Variants in EIF3H observed in about 807,000 individuals in gnomAD.
EIF3H encodes eukaryotic translation initiation factor 3 subunit H.
EIF3H carries 26 observed loss-of-function variants against 44.2 expected under a neutral mutation model. The observed-to-expected ratio is 0.59, with a 90% CI of 0.43 to 0.82. The LOEUF (loss-of-function observed/expected upper bound fraction) is 0.82. EIF3H is among the 40% of genes least tolerant of loss of function. EIF3H has a pLI of 0.00. For synonymous variants in EIF3H, 166 were observed against 151.9 expected, an observed-to-expected ratio of 1.09 and a Z score of -0.68; for missense variants, 359 against 432.8, an observed-to-expected ratio of 0.83 and a Z score of 1.51.
chr8:116,700,231 A>C (rs540480885), intron 2 of EIF3H, among the ~76,000 whole-genome samples: 132 of 152,298 alleles, frequency 8.7e-4, no homozygotes, highest in African/African-American at 2.9e-3. Flanking sequence ...TTGCCTAGGG[A>C]AAAATGGAGG....
intron 3 of EIF3H, 29 bp downstream of exon 3, chr8:116,658,784 G>GA (rs755339278): frequency 6.4e-5 from 103 of 1,597,802 alleles, no homozygotes; most frequent in Non-Finnish European, 8.3e-5. Context: ...AATATTAAGG[G>GA]AAAAAAGAAT....
chr8:116,761,445 G>C (rs1301601942), intron 1 of EIF3H, among the ~76,000 whole-genome samples: 1 of 152,204 alleles, frequency 6.6e-6, no homozygotes, highest in African/African-American at 2.4e-5. Context: ...CCGGGAGGCA[G>C]AGGTTGCAGT....
In EIF3H at chr8:116,752,042, G is replaced by A. The variant is rs184625985; in HGVS notation, c.132+3624C>T. ...TGAGGCACTCCAATATGCACAGATGGAGAAGAAACATAAAAGGAAAGGAGT... is the reference window on the plus strand; with the variant it reads ...TGAGGCACTCCAATATGCACAGATGAAGAAGAAACATAAAAGGAAAGGAGT... On this transcript the variant is annotated intron_variant, in intron 1 of 7. Transcript: ENST00000521861. 6.6e-5 allele frequency among the ~76,000 whole-genome samples: 10 copies of A among 152,278 alleles called. No homozygotes were observed. The East Asian group carries it at 1.9e-3, about 29-fold the overall frequency.
intron 2 of EIF3H, among the ~76,000 whole-genome samples, chr8:116,665,088 C>T (rs941424721): frequency 6.6e-6 from 1 of 152,204 alleles, no homozygotes; most frequent in Non-Finnish European, 1.5e-5. Context: ...ACTCCAAAGG[C>T]TAGCCAGCCA....
At chr8:116,646,698 C>T in intron 6 of EIF3H, 95 bp from the exon 7 acceptor site, 1 of 1,488,654 alleles carries the variant, frequency 6.7e-7, no homozygotes, top group Non-Finnish European at 9.1e-7. Context: ...AACCCCACTG[C>T]TCTGAATTCC....
At chr8:116,646,409 A>C in intron 7 of EIF3H, 62 bp downstream of exon 7, 1 of 1,608,380 alleles carries the variant, frequency 6.2e-7, no homozygotes, top group South Asian at 1.1e-5. Flanking sequence ...TAAATTTCTC[A>C]CTGTCTTCTG....
chr8:116,763,104 T>C (rs1377151470), intron 1 of EIF3H, among the ~76,000 whole-genome samples: 3 of 152,184 alleles, frequency 2.0e-5, no homozygotes, highest in African/African-American at 7.2e-5. Context: ...TATTTGGTGG[T>C]TTTGTGAGAA....
intron 2 of EIF3H, among the ~76,000 whole-genome samples, chr8:116,723,683 A>G (rs1814790046): frequency 6.6e-6 from 1 of 152,246 alleles, no homozygotes; most frequent in Admixed American, 6.5e-5. Flanking sequence ...GTGATCAGTT[A>G]AAAGTCATAT....
rs143461489 is a variant in EIF3H, at chr8:116,747,444, T to A, written c.132+8222A>T. Among the ~76,000 whole-genome samples the A allele has an allele frequency of 4.5e-3, 684 of 152,316 alleles. 8 individuals are homozygous for A. The highest frequency in any genetic ancestry group is 0.015 in the African/African-American group (644 of 41,562). ...TTCTCTGACTAAAGCAGCAGAAAAT[T>A]ATGTATTACACTTCAGAAACACATA... On this transcript the variant is annotated intron_variant, in intron 1 of 7. Transcript: ENST00000521861.
At chr8:116,706,922 T>G (rs1200348364) in intron 2 of EIF3H, among the ~76,000 whole-genome samples, 1 of 152,170 alleles carries the variant, frequency 6.6e-6, no homozygotes, top group African/African-American at 2.4e-5. Context: ...CTGAATACAT[T>G]TAAAGTGGGA....
chr8:116,679,588 G>A, intron 2 of EIF3H, among the ~76,000 whole-genome samples: 1 of 25,904 alleles, frequency 3.9e-5, no homozygotes, highest in African/African-American at 1.1e-4. Context: ...GGAAGGTGGG[G>A]GGGTCAGCCC....
At chr8:116,763,881 T>G (rs935591838) in intron 1 of EIF3H, among the ~76,000 whole-genome samples, 12 of 152,224 alleles carry the variant, frequency 7.9e-5, no homozygotes, top group Admixed American at 7.8e-4. Context: ...TATTTAATGT[T>G]TACCTCTTTA....
chr8:116,686,624 TAA>T (rs200473723), intron 2 of EIF3H, among the ~76,000 whole-genome samples: 2 of 139,320 alleles, frequency 1.4e-5, no homozygotes. Flanking sequence ...AGAGTATGTT[TAA>T]AAAAAAAAAA....
intron 2 of EIF3H, among the ~76,000 whole-genome samples, chr8:116,724,892 A>T (rs536848097): frequency 6.6e-6 from 1 of 152,342 alleles, no homozygotes; most frequent in East Asian, 1.9e-4. Context: ...TCCTCAAAAA[A>T]TTAAAAATAG....
chr8:116,724,542 G>A lies in EIF3H; in HGVS notation c.289+1474C>T, dbSNP rs375334000. Among the ~76,000 whole-genome samples the A allele has an allele frequency of 1.1e-4, 16 of 151,768 alleles. No homozygotes were observed. The East Asian group carries it at 1.5e-3, about 15-fold the overall frequency. ...TACAAAATGGGAGAAAATACATATT[G>A]CAAACCCCATATCTGATAAGAGGTT... On this transcript the variant is annotated intron_variant, in intron 2 of 7. Coordinates refer to ENST00000521861, the MANE Select transcript of EIF3H (RefSeq NM_003756.3).
intron 1 of EIF3H, among the ~76,000 whole-genome samples, chr8:116,739,674 A>C (rs539319650): frequency 1.1e-3 from 167 of 152,262 alleles, no homozygotes; most frequent in Middle Eastern, 3.4e-3. Flanking sequence ...ATCAATCAAT[A>C]AATATGTGGG....
chr8:116,689,505 A>G (rs536018943), intron 2 of EIF3H, among the ~76,000 whole-genome samples: 1 of 152,336 alleles, frequency 6.6e-6, no homozygotes, highest in African/African-American at 2.4e-5. Context: ...AGAAATAATA[A>G]TGCAGATTCA....
intron 1 of EIF3H, among the ~76,000 whole-genome samples, chr8:116,749,374 T>C (rs1281425139): frequency 6.6e-6 from 1 of 152,216 alleles, no homozygotes; most frequent in African/African-American, 2.4e-5. Flanking sequence ...CCTGATTGTG[T>C]AGGTCAGGAG....
rs11369605 is a variant in EIF3H at position 116,680,973 on chromosome 8, T to TAA, written c.290-21995_290-21994dup. Among the ~76,000 whole-genome samples, 466 of 146,626 alleles carry TAA rather than the reference T, an allele frequency of 3.2e-3. 3 individuals are homozygous for TAA. Among genetic ancestry groups the TAA allele is most frequent in the African/African-American group, 7.5e-3 (305 of 40,400 alleles). On this transcript the variant is annotated intron_variant, in intron 2 of 7. Transcript: ENST00000521861. Reference sequence around the variant, plus strand: ...TAATAAAGATGTGGAATTTATAAATTAAAAAAAAAAAAGAGTTTACAGTAC... The same window carrying TAA: ...TAATAAAGATGTGGAATTTATAAATTAAAAAAAAAAAAAAGAGTTTACAGTAC...
Sources: allele counts gnomAD v4.1 joint callset (sites outside exome capture counted in the v4.1 genomes callset), GRCh38; gene constraint gnomAD v4.1.1; transcripts MANE v1.5; gene names NCBI Gene and HGNC (gene_info 2026-07-23, HGNC 2026-07-21).